The following KCTD1 variants were observed in gnomAD, a reference collection of about 807,000 sequenced individuals.
The protein encoded by KCTD1 is BTB/POZ domain-containing protein KCTD1.
In KCTD1, 24 loss-of-function variants were observed where a neutral mutation model predicts 66.0. The observed-to-expected ratio is 0.36, with a 90% CI of 0.26 to 0.51. The LOEUF is 0.51. Ranked by LOEUF, KCTD1 falls within the 20% of genes least tolerant of loss-of-function variation. The pLI, the probability that KCTD1 is intolerant of heterozygous loss-of-function variation, is 0.95. For missense variants in KCTD1, 943 were observed against 1,205.2 expected, an observed-to-expected ratio of 0.78 and a Z score of 3.22; for synonymous variants, 511 against 517.2, an observed-to-expected ratio of 0.99 and a Z score of 0.16.
At chr18:26,541,406 T>C (rs76431750) in intron 1 of KCTD1, among the ~76,000 whole-genome samples, 1,658 of 152,366 alleles carry the variant, frequency 0.011, 28 homozygotes, top group African/African-American at 0.038. Flanking sequence ...TACTGTAAGA[T>C]AGCTCCCACC....
At chr18:26,599,746 G>T (rs1986846984) in intron 1 of KCTD1, 5 of 1,574,018 alleles carry the variant, frequency 3.2e-6, no homozygotes, top group Non-Finnish European at 4.4e-6. Flanking sequence ...CAGCATCTAA[G>T]CTGTGTTCAC....
At chr18:26,579,102 G>A (rs1205124717) in intron 1 of KCTD1, among the ~76,000 whole-genome samples, 1 of 152,006 alleles carries the variant, frequency 6.6e-6, no homozygotes, top group Non-Finnish European at 1.5e-5. Context: ...GACTTAACAA[G>A]TAGGAAATGT....
chr18:26,485,523 C>A (rs1157957052), intron 2 of KCTD1, among the ~76,000 whole-genome samples: 1 of 152,200 alleles, frequency 6.6e-6, no homozygotes, highest in Non-Finnish European at 1.5e-5. Context: ...ATCACCTGGG[C>A]CTGTTCTCTG....
At chr18:26,521,762 G>A (rs988052398) in intron 1 of KCTD1, among the ~76,000 whole-genome samples, 6 of 152,160 alleles carry the variant, frequency 3.9e-5, no homozygotes, top group African/African-American at 1.4e-4. Flanking sequence ...AAAAGGTACA[G>A]CTACAACTAA....
At chr18:26,555,944 G>A (rs1406680988) in intron 1 of KCTD1, among the ~76,000 whole-genome samples, 1 of 152,122 alleles carries the variant, frequency 6.6e-6, no homozygotes, top group Non-Finnish European at 1.5e-5. Context: ...TCAGAAACTG[G>A]TATCTGGGTG....
chr18:26,481,720 C>T (rs931663147), intron 2 of KCTD1, among the ~76,000 whole-genome samples: 1 of 152,198 alleles, frequency 6.6e-6, no homozygotes, highest in African/African-American at 2.4e-5. Flanking sequence ...TTGACTACAT[C>T]ATTTGCATAA....
chr18:26,611,431 A>G (rs970525232), intron 1 of KCTD1, among the ~76,000 whole-genome samples: 18 of 151,962 alleles, frequency 1.2e-4, no homozygotes, highest in African/African-American at 4.1e-4. Flanking sequence ...GCTCACTGCA[A>G]CCTCCACCTC....
At chr18:26,574,633 C>A (rs1317219541) in intron 1 of KCTD1, among the ~76,000 whole-genome samples, 1 of 152,136 alleles carries the variant, frequency 6.6e-6, no homozygotes, top group East Asian at 1.9e-4. Context: ...TTCAATCCCT[C>A]CAGATAGACA....
upstream of KCTD1, among the ~76,000 whole-genome samples, chr18:26,641,314 T>C (rs1488134811): frequency 6.6e-6 from 1 of 152,208 alleles, no homozygotes; most frequent in African/African-American, 2.4e-5. Flanking sequence ...TGCTGATTAA[T>C]TGGTTGCTTG....
intron 1 of KCTD1, among the ~76,000 whole-genome samples, chr18:26,556,281 C>T (rs1305726843): frequency 6.6e-6 from 1 of 152,098 alleles, no homozygotes; most frequent in Non-Finnish European, 1.5e-5. Context: ...TGACCTGGCC[C>T]CTCTCTTCTG....
At chr18:26,484,064 T>C (rs993851843) in intron 2 of KCTD1, among the ~76,000 whole-genome samples, 1 of 152,234 alleles carries the variant, frequency 6.6e-6, no homozygotes, top group African/African-American at 2.4e-5. Context: ...GTAAAAAATA[T>C]CATCAGTCAA....
upstream of KCTD1, among the ~76,000 whole-genome samples, chr18:26,633,535 C>A (rs1370910): frequency 6.6e-6 from 1 of 151,814 alleles, no homozygotes; most frequent in Non-Finnish European, 1.5e-5. Context: ...AAAATAATTA[C>A]CCCCCCAAAT....
chr18:26,563,578 C>T (rs779913684), intron 1 of KCTD1, among the ~76,000 whole-genome samples: 22 of 152,198 alleles, frequency 1.4e-4, no homozygotes, highest in Non-Finnish European at 2.4e-4. Flanking sequence ...CTGACTTCAG[C>T]AGGCCTGGGC....
chr18:26,597,170 A>G (rs1294092425), intron 1 of KCTD1, among the ~76,000 whole-genome samples: 2 of 152,146 alleles, frequency 1.3e-5, no homozygotes, highest in African/African-American at 2.4e-5. Flanking sequence ...ACTGGAGCCC[A>G]GGCAAGTTGA....
intron 1 of KCTD1, among the ~76,000 whole-genome samples, chr18:26,582,943 T>C (rs1177106631): frequency 6.6e-6 from 1 of 151,916 alleles, no homozygotes; most frequent in Non-Finnish European, 1.5e-5. Flanking sequence ...TATGAACTTA[T>C]GAATTCAATT....
At chr18:26,463,772 T>A (rs1205550048) in intron 3 of KCTD1, among the ~76,000 whole-genome samples, 1 of 152,162 alleles carries the variant, frequency 6.6e-6, no homozygotes, top group South Asian at 2.1e-4. Context: ...TCTGACCTCA[T>A]GTGATCCACC....
chr18:26,645,355 T>C (rs1309539350), intron 1 of KCTD1, among the ~76,000 whole-genome samples: 1 of 152,112 alleles, frequency 6.6e-6, no homozygotes, highest in Non-Finnish European at 1.5e-5. Flanking sequence ...GCTCAAGTGA[T>C]CGTCCTGCCT....
chr18:26,545,305 G>A (rs1014124598), intron 1 of KCTD1: 38 of 152,122 alleles, frequency 2.5e-4, no homozygotes, highest in African/African-American at 9.2e-4. Flanking sequence ...CAAAGAAAAA[G>A]CAAACCCTAA....
rs1374418893 is a variant in KCTD1, at chr18:26,459,741, T to C, written c.2318A>G (p.Glu773Gly). 1 of 1,614,148 alleles carries C rather than the reference T, an allele frequency of 6.2e-7. No homozygotes were observed. Among genetic ancestry groups the C allele is most frequent in the Admixed American group, 1.7e-5 (1 of 60,022 alleles). ...GTCGCCGATCTCTGGAAATACTTCTTCTATCAAGGATTTGTCACCGCTTAG... is the reference window on the plus strand; with the variant it reads ...GTCGCCGATCTCTGGAAATACTTCTCCTATCAAGGATTTGTCACCGCTTAG... The part of the protein sequence containing the change: ...ITLSGDKSLI[E>G]EVFPEIGDVM... The change falls in exon 4 of 5, where the codon GAA (glutamate) becomes GGA (glycine). Residue 773 changes from glutamate (E) to glycine (G), a missense_variant. This residue lies in a region of KCTD1 where 162 missense variants were observed against 232.4 expected (regional missense o/e 0.70). Transcript: ENST00000580059.
Sources: allele counts gnomAD v4.1 joint callset (sites outside exome capture counted in the v4.1 genomes callset), GRCh38; gene constraint gnomAD v4.1.1; regional missense constraint gnomAD v4.1.1; transcripts MANE v1.5; gene names NCBI Gene and HGNC (gene_info 2026-07-23, HGNC 2026-07-21).